Variants in CNTNAP2 observed in about 807,000 individuals in gnomAD.
CNTNAP2 encodes the protein contactin-associated protein-like 2.
Under a neutral mutation model 155.2 loss-of-function variants are expected in CNTNAP2, and 98 were observed. That is an observed-to-expected ratio of 0.63 (90% CI 0.54 to 0.75). CNTNAP2 has a LOEUF of 0.75. CNTNAP2 is among the 30% of genes least tolerant of loss of function. The pLI is 0.00. For synonymous variants in CNTNAP2, 651 were observed against 631.2 expected, an observed-to-expected ratio of 1.03 and a Z score of -0.47; for missense variants, 1,727 against 1,688.1, an observed-to-expected ratio of 1.02 and a Z score of -0.40.
intron 1 of CNTNAP2, among the ~76,000 whole-genome samples, chr7:146,549,721 T>C (rs1798086456): frequency 6.6e-6 from 1 of 152,104 alleles, no homozygotes; most frequent in African/African-American, 2.4e-5. Flanking sequence ...CAATTTATCC[T>C]GTTAATCTAG....
chr7:147,967,845 A>G (rs1331090985), intron 14 of CNTNAP2, among the ~76,000 whole-genome samples: 1 of 152,194 alleles, frequency 6.6e-6, no homozygotes, highest in Non-Finnish European at 1.5e-5. Flanking sequence ...CGTTAATGAG[A>G]TATGGATCTT....
chr7:147,419,676 C>G (rs1053464635), intron 10 of CNTNAP2, among the ~76,000 whole-genome samples: 2 of 152,146 alleles, frequency 1.3e-5, no homozygotes, highest in African/African-American at 4.8e-5. Context: ...TACATCTCAG[C>G]TGGAGTTTCC....
Position 147,713,389 on chromosome 7 carries a change from A to G in CNTNAP2, c.2098+74083A>G, listed in dbSNP as rs111937566. On this transcript the variant is annotated intron_variant, in intron 13 of 23. Coordinates refer to ENST00000361727, the MANE Select transcript of CNTNAP2 (RefSeq NM_014141.6). Reference sequence around the variant, plus strand: ...TTCCTGCCTCTATAGTTTTCCATCTATGAAACCATGCAGTATATAGGCCTG... The same window carrying G: ...TTCCTGCCTCTATAGTTTTCCATCTGTGAAACCATGCAGTATATAGGCCTG... Among the ~76,000 whole-genome samples the G allele has an allele frequency of 6.9e-3, 1,047 of 152,238 alleles. 9 individuals carry two copies. Among genetic ancestry groups the G allele is most frequent in the African/African-American group, 0.023 (973 of 41,542 alleles).
intron 1 of CNTNAP2, among the ~76,000 whole-genome samples, chr7:146,430,442 C>T (rs1796158514): frequency 6.6e-6 from 1 of 151,972 alleles, no homozygotes; most frequent in Non-Finnish European, 1.5e-5. Context: ...ATCTACCTTT[C>T]ACTTGATAGT....
At chr7:146,810,491 A>C (rs1389543490) in intron 2 of CNTNAP2, among the ~76,000 whole-genome samples, 2 of 152,004 alleles carry the variant, frequency 1.3e-5, no homozygotes, top group African/African-American at 4.8e-5. Flanking sequence ...TTTTATATGT[A>C]GATTTCGTAT....
intron 1 of CNTNAP2, among the ~76,000 whole-genome samples, chr7:146,215,447 C>T (rs1035467416): frequency 9.2e-5 from 14 of 151,918 alleles, no homozygotes; most frequent in African/African-American, 2.9e-4. Context: ...CAAGGAAATT[C>T]GAAACCATCA....
intron 3 of CNTNAP2, among the ~76,000 whole-genome samples, chr7:146,859,376 G>A (rs1210738995): frequency 1.3e-5 from 2 of 152,162 alleles, no homozygotes; most frequent in Admixed American, 6.5e-5. Flanking sequence ...TATAATCCTT[G>A]TTGGGTGCAG....
chr7:146,550,401 G>GTT (rs10673467), intron 1 of CNTNAP2, among the ~76,000 whole-genome samples: 8,782 of 53,864 alleles, frequency 0.16, 1,864 homozygotes, highest in East Asian at 0.44. Context: ...CCATTAATCT[G>GTT]TTTTTTTTTT....
chr7:148,151,241 A>T (rs1805290100), intron 17 of CNTNAP2, among the ~76,000 whole-genome samples: 1 of 152,092 alleles, frequency 6.6e-6, no homozygotes, highest in Non-Finnish European at 1.5e-5. Context: ...GAGATATTCC[A>T]TGCTAAGCAC....
At chr7:146,210,563 C>T (rs1009202212) in intron 1 of CNTNAP2, among the ~76,000 whole-genome samples, 3 of 152,092 alleles carry the variant, frequency 2.0e-5, no homozygotes, top group Admixed American at 6.5e-5. Context: ...CTTAGCCTCC[C>T]GAAGTGCTGG....
chr7:146,721,819 T>TATATTCTACATATA (rs1563204090), intron 1 of CNTNAP2, among the ~76,000 whole-genome samples: 9 of 124,862 alleles, frequency 7.2e-5, no homozygotes, highest in South Asian at 2.3e-4. Context: ...AGTCTATATA[T>TATATTCTACATATA]GTAGACTATA....
chr7:147,737,970 T>C (rs536732139), intron 13 of CNTNAP2, among the ~76,000 whole-genome samples: 1 of 152,332 alleles, frequency 6.6e-6, no homozygotes, highest in Admixed American at 6.5e-5. Context: ...ACTTCCCGGG[T>C]GAGGCGATGC....
intron 3 of CNTNAP2, among the ~76,000 whole-genome samples, chr7:146,931,561 G>C (rs1563007749): frequency 1.3e-5 from 2 of 150,762 alleles, no homozygotes; most frequent in African/African-American, 4.9e-5. Flanking sequence ...TCAAAAGCTA[G>C]CAGAAGGCAA....
intron 15 of CNTNAP2, among the ~76,000 whole-genome samples, chr7:148,069,201 C>T (rs930997611): frequency 4.6e-5 from 7 of 152,116 alleles, no homozygotes; most frequent in East Asian, 1.9e-4. Flanking sequence ...TACTCCTTCT[C>T]GGCTGGAAGT....
chr7:148,393,713 C>T (rs1799405213), intron 22 of CNTNAP2, among the ~76,000 whole-genome samples: 1 of 152,118 alleles, frequency 6.6e-6, no homozygotes, highest in Non-Finnish European at 1.5e-5. Flanking sequence ...ACCTTTTCCC[C>T]ACATCCTCAC....
chr7:148,409,867 C>T (rs1281003191), intron 23 of CNTNAP2, among the ~76,000 whole-genome samples: 2 of 91,668 alleles, frequency 2.2e-5, no homozygotes, highest in Non-Finnish European at 2.3e-5. Flanking sequence ...TTGGCTAACA[C>T]GGTGAAACCC....
chr7:146,516,071 A>G (rs920805055), intron 1 of CNTNAP2, among the ~76,000 whole-genome samples: 2 of 152,060 alleles, frequency 1.3e-5, no homozygotes, highest in African/African-American at 4.8e-5. Context: ...ATTGATCTAT[A>G]CATGACAACT....
intron 1 of CNTNAP2, among the ~76,000 whole-genome samples, chr7:146,728,745 A>G (rs901671472): frequency 7.2e-5 from 11 of 152,298 alleles, no homozygotes; most frequent in African/African-American, 2.6e-4. Flanking sequence ...CCTTTTAGAC[A>G]ATCTACCATG....
chr7:147,782,139 A>G (rs1468445672), intron 13 of CNTNAP2, among the ~76,000 whole-genome samples: 3 of 152,210 alleles, frequency 2.0e-5, no homozygotes, highest in Non-Finnish European at 4.4e-5. Context: ...TCAGAAGATT[A>G]TAGACATCTA....
Sources: allele counts gnomAD v4.1 joint callset (sites outside exome capture counted in the v4.1 genomes callset), GRCh38; gene constraint gnomAD v4.1.1; transcripts MANE v1.5; gene names NCBI Gene and HGNC (gene_info 2026-07-23, HGNC 2026-07-21).